The following GRM8 variants were observed in gnomAD, a reference collection of about 807,000 sequenced individuals.
GRM8 encodes glutamate metabotropic receptor 8.
Under a neutral mutation model 87.2 loss-of-function variants are expected in GRM8, and 47 were observed. That is an observed-to-expected ratio of 0.54 (90% CI 0.43 to 0.69). GRM8 has a LOEUF of 0.69. Ranked by LOEUF, GRM8 falls within the 30% of genes least tolerant of loss-of-function variation. GRM8 has a pLI of 0.00. For synonymous variants in GRM8, 396 were observed against 404.5 expected, an observed-to-expected ratio of 0.98 and a Z score of 0.25; for missense variants, 1,019 against 1,139.2, an observed-to-expected ratio of 0.89 and a Z score of 1.52.
At chr7:126,684,759 G>A (rs983556217) in intron 7 of GRM8, among the ~76,000 whole-genome samples, 2 of 152,218 alleles carry the variant, frequency 1.3e-5, no homozygotes, top group Non-Finnish European at 2.9e-5. Flanking sequence ...TACTAGTTTA[G>A]GAGATGGGAG....
In GRM8 at chr7:126,736,249, C is replaced by T. The variant is rs80177788; in HGVS notation, c.1357+33616G>A. Among the ~76,000 whole-genome samples the T allele has an allele frequency of 8.7e-3, 1,322 of 152,204 alleles. 19 individuals are homozygous for T. Among genetic ancestry groups the T allele is most frequent in the African/African-American group, 0.03 (1,227 of 41,552 alleles). ...CATACACATGTACGGTCTCTTCTCA[C>T]TAATTGGAAATGTGCAACACCTTTA... On this transcript the variant is annotated intron_variant, in intron 7 of 10. Coordinates refer to ENST00000339582, the MANE Select transcript of GRM8 (RefSeq NM_000845.3).
intron 7 of GRM8, among the ~76,000 whole-genome samples, chr7:126,740,438 C>A (rs1033725631): frequency 6.6e-6 from 1 of 152,118 alleles, no homozygotes; most frequent in African/African-American, 2.4e-5. Flanking sequence ...TGAAAAGGAT[C>A]AGTGGCATTT....
At chr7:126,535,326 C>T (rs2150869359) in intron 8 of GRM8, among the ~76,000 whole-genome samples, 1 of 152,278 alleles carries the variant, frequency 6.6e-6, no homozygotes, top group South Asian at 2.1e-4. Flanking sequence ...GGATAATTCA[C>T]TCGAGTGGAA....
At chr7:126,592,547 A>G (rs1796784018) in intron 8 of GRM8, among the ~76,000 whole-genome samples, 1 of 152,076 alleles carries the variant, frequency 6.6e-6, no homozygotes, top group Non-Finnish European at 1.5e-5. Flanking sequence ...TCATTTCAAT[A>G]GATGCAGATA....
intron 6 of GRM8, among the ~76,000 whole-genome samples, chr7:126,898,889 C>T (rs1801797744): frequency 1.3e-5 from 2 of 151,926 alleles, no homozygotes; most frequent in South Asian, 2.1e-4. Flanking sequence ...TTTTAAGCCC[C>T]GCATGCATTA....
intron 1 of GRM8, among the ~76,000 whole-genome samples, chr7:127,249,388 T>C (rs1022335604): frequency 1.3e-5 from 2 of 152,156 alleles, no homozygotes; most frequent in Non-Finnish European, 2.9e-5. Context: ...ACATCTGCAT[T>C]CTCAAAATGA....
chr7:126,869,200 T>G (rs1195856300), intron 6 of GRM8: 2 of 152,234 alleles, frequency 1.3e-5, no homozygotes, highest in African/African-American at 4.8e-5. Flanking sequence ...AACAATCCAG[T>G]CACATCTTCA....
chr7:126,771,185 T>C (rs767368521), intron 6 of GRM8, among the ~76,000 whole-genome samples: 4 of 152,258 alleles, frequency 2.6e-5, no homozygotes, highest in South Asian at 2.1e-4. Context: ...CATCAATGCA[T>C]ATAACCTACA....
intron 6 of GRM8, among the ~76,000 whole-genome samples, chr7:126,774,987 A>G (rs1819254701): frequency 6.6e-6 from 1 of 152,182 alleles, no homozygotes; most frequent in Admixed American, 6.6e-5. Context: ...CAATTCAAGT[A>G]AAAAACAAAT....
At chr7:126,979,369 T>C (rs963663252) in intron 3 of GRM8, among the ~76,000 whole-genome samples, 3 of 152,190 alleles carry the variant, frequency 2.0e-5, no homozygotes, top group Non-Finnish European at 2.9e-5. Flanking sequence ...TAGATACACA[T>C]GATAAATATA....
intron 3 of GRM8, among the ~76,000 whole-genome samples, chr7:127,027,840 T>C (rs1321700554): frequency 6.6e-6 from 1 of 152,208 alleles, no homozygotes; most frequent in Non-Finnish European, 1.5e-5. Context: ...TCTTGCCTGA[T>C]TGCCCTGGCC....
At chr7:126,862,439 T>C (rs1454146640) in intron 6 of GRM8, among the ~76,000 whole-genome samples, 1 of 152,042 alleles carries the variant, frequency 6.6e-6, no homozygotes. Flanking sequence ...TACAACAAAA[T>C]TATTACTTCT....
At chr7:127,181,520 A>T (rs1264816290) in intron 2 of GRM8, among the ~76,000 whole-genome samples, 1 of 152,118 alleles carries the variant, frequency 6.6e-6, no homozygotes, top group Non-Finnish European at 1.5e-5. Context: ...GAACCAAAAA[A>T]AGAGCCCAAA....
chr7:126,740,724 G>C (rs1814860159), intron 7 of GRM8, among the ~76,000 whole-genome samples: 1 of 152,118 alleles, frequency 6.6e-6, no homozygotes, highest in South Asian at 2.1e-4. Flanking sequence ...AATGTGCTGA[G>C]AGATTCCTCT....
intron 3 of GRM8, among the ~76,000 whole-genome samples, chr7:127,033,502 C>T (rs1291130209): frequency 2.0e-5 from 3 of 151,988 alleles, no homozygotes; most frequent in Admixed American, 1.3e-4. Flanking sequence ...TTACCTGTAC[C>T]ACTTCATTTA....
At chr7:126,690,194 G>A (rs576389058) in intron 7 of GRM8, among the ~76,000 whole-genome samples, 245 of 152,310 alleles carry the variant, frequency 1.6e-3, no homozygotes, top group South Asian at 3.9e-3. Flanking sequence ...GCTCGGGCCC[G>A]CTAGGCTCAT....
At chr7:126,759,457 T>C (rs2151569417) in intron 7 of GRM8, among the ~76,000 whole-genome samples, 1 of 152,244 alleles carries the variant, frequency 6.6e-6, no homozygotes, top group Non-Finnish European at 1.5e-5. Flanking sequence ...GAACCCCACC[T>C]GGTCCATTCT....
intron 6 of GRM8, among the ~76,000 whole-genome samples, chr7:126,793,097 G>A (rs1291815520): frequency 6.6e-6 from 1 of 152,174 alleles, no homozygotes; most frequent in Non-Finnish European, 1.5e-5. Context: ...ACATGATCAT[G>A]CTGCTTGAAG....
chr7:126,548,993 G>A (rs1255412986), intron 8 of GRM8, among the ~76,000 whole-genome samples: 1 of 152,124 alleles, frequency 6.6e-6, no homozygotes, highest in African/African-American at 2.4e-5. Context: ...AGTAGGGAGA[G>A]CTAAAAGTGA....
Sources: gnomAD v4.1 joint callset for allele counts (sites outside exome capture counted in the v4.1 genomes callset) on GRCh38, gnomAD v4.1.1 for gene constraint, MANE v1.5 for transcripts, NCBI Gene and HGNC (gene_info 2026-07-23, HGNC 2026-07-21) for gene names.